Variants in SAMMSON observed in about 807,000 individuals in gnomAD.
The protein encoded by SAMMSON is survival associated mitochondrial melanoma specific oncogenic non-coding RNA, also known as long intergenic non-protein coding RNA 1212.
chr3:70,121,861 T>C (rs1417477704), intron 4 of SAMMSON, among the ~76,000 whole-genome samples: 1 of 151,986 alleles, frequency 6.6e-6, no homozygotes. Context: ...CATTCTCCCA[T>C]TTGAAAGTGT....
intron 4 of SAMMSON, among the ~76,000 whole-genome samples, chr3:70,162,751 T>C (rs1325984024): frequency 6.6e-6 from 1 of 151,906 alleles, no homozygotes; most frequent in African/African-American, 2.4e-5. Flanking sequence ...CCAACTATTA[T>C]TTTTGAATTG....
intron 4 of SAMMSON, among the ~76,000 whole-genome samples, chr3:70,228,232 C>T (rs936683209): frequency 1.3e-5 from 2 of 151,968 alleles, no homozygotes; most frequent in Admixed American, 6.6e-5. Flanking sequence ...TCTACTAAAA[C>T]ATTGCAAGCA....
chr3:70,055,502 G>A (rs943416031), intron 3 of SAMMSON, among the ~76,000 whole-genome samples: 2 of 152,062 alleles, frequency 1.3e-5, no homozygotes, highest in Non-Finnish European at 2.9e-5. Flanking sequence ...ACAAGTGCAT[G>A]TTCATCCCAT....
intron 7 of SAMMSON, among the ~76,000 whole-genome samples, chr3:70,345,921 G>A (rs1702747182): frequency 6.6e-6 from 1 of 152,164 alleles, no homozygotes; most frequent in Non-Finnish European, 1.5e-5. Context: ...TGTTGATTAT[G>A]AATAAGGTTG....
chr3:70,300,481 G>A (rs1702336748), intron 7 of SAMMSON, among the ~76,000 whole-genome samples: 1 of 151,912 alleles, frequency 6.6e-6, no homozygotes, highest in Non-Finnish European at 1.5e-5. Flanking sequence ...AGTTAGATAT[G>A]TGTATTTTTC....
chr3:70,350,294 CT>C (rs574656678), intron 7 of SAMMSON, among the ~76,000 whole-genome samples: 67 of 152,126 alleles, frequency 4.4e-4, no homozygotes, highest in African/African-American at 1.5e-3. Flanking sequence ...AAAGAATAAC[CT>C]TTTTTTGCAT....
At chr3:70,126,716 T>C in intron 4 of SAMMSON, 1 of 251,970 alleles carries the variant, frequency 4.0e-6, no homozygotes, top group East Asian at 1.1e-4. Context: ...GTTTTTGTTT[T>C]TGTTTTTTGT....
chr3:70,320,610 A>ATTTAGAAT (rs1559563161), intron 7 of SAMMSON, among the ~76,000 whole-genome samples: 2 of 152,024 alleles, frequency 1.3e-5, no homozygotes, highest in African/African-American at 4.8e-5. Flanking sequence ...AAACAACCTT[A>ATTTAGAAT]TTTAGAATTG....
At chr3:70,077,797 T>G (rs1211289744) in intron 4 of SAMMSON, among the ~76,000 whole-genome samples, 1 of 152,150 alleles carries the variant, frequency 6.6e-6, no homozygotes, top group Non-Finnish European at 1.5e-5. Flanking sequence ...GCCACATTTG[T>G]CCTCCATTAG....
chr3:70,025,583 A>T (rs1239062699), intron 3 of SAMMSON, among the ~76,000 whole-genome samples: 1 of 152,202 alleles, frequency 6.6e-6, no homozygotes, highest in East Asian at 1.9e-4. Context: ...TTAAACCATA[A>T]ATCCTGTTCC....
At chr3:70,302,232 G>T (rs959045383) in intron 7 of SAMMSON, among the ~76,000 whole-genome samples, 3 of 152,026 alleles carry the variant, frequency 2.0e-5, no homozygotes, top group Non-Finnish European at 4.4e-5. Flanking sequence ...GTCTTCATTT[G>T]CTCTGTTCAC....
intron 3 of SAMMSON, among the ~76,000 whole-genome samples, chr3:70,051,074 G>C (rs536335264): frequency 1.9e-4 from 25 of 134,744 alleles, no homozygotes; most frequent in Admixed American, 1.7e-3. Context: ...GATGGAGGTT[G>C]GAGTGAGCCA....
chr3:70,427,222 A>G (rs1179043688), intron 2 of SAMMSON, among the ~76,000 whole-genome samples: 1 of 152,064 alleles, frequency 6.6e-6, no homozygotes, highest in Non-Finnish European at 1.5e-5. Flanking sequence ...GGTAGACAGG[A>G]TTTTCTACAT....
intron 7 of SAMMSON, among the ~76,000 whole-genome samples, chr3:70,318,590 T>A (rs1702512181): frequency 6.6e-6 from 1 of 151,988 alleles, no homozygotes; most frequent in Admixed American, 6.6e-5. Flanking sequence ...TAGTTTAAAG[T>A]CACTTTCTGG....
At chr3:70,338,316 G>A (rs965592534) in intron 7 of SAMMSON, among the ~76,000 whole-genome samples, 2 of 151,710 alleles carry the variant, frequency 1.3e-5, no homozygotes, top group Admixed American at 6.6e-5. Context: ...GCAAACAGGA[G>A]GATAATGAAA....
chr3:70,411,765 C>T (rs1186512776), intron 2 of SAMMSON, among the ~76,000 whole-genome samples: 1 of 152,160 alleles, frequency 6.6e-6, no homozygotes, highest in Non-Finnish European at 1.5e-5. Flanking sequence ...CTTTGCACCT[C>T]CTTTGCCTTC....
At chr3:70,228,946 CAAGAGCA>C (rs1456990216) in intron 4 of SAMMSON, among the ~76,000 whole-genome samples, 5 of 151,956 alleles carry the variant, frequency 3.3e-5, no homozygotes, top group African/African-American at 1.2e-4. Context: ...GCTTCTAGTC[CAAGAGCA>C]GAGTCCAGTG....
At chr3:70,113,860 C>G (rs564739549) in intron 4 of SAMMSON, among the ~76,000 whole-genome samples, 1 of 152,248 alleles carries the variant, frequency 6.6e-6, no homozygotes, top group African/African-American at 2.4e-5. Flanking sequence ...AGGACTGTCT[C>G]TCTCTCTCAG....
intron 3 of SAMMSON, among the ~76,000 whole-genome samples, chr3:70,061,978 A>T (rs746613623): frequency 1.3e-5 from 2 of 151,652 alleles, no homozygotes; most frequent in African/African-American, 2.4e-5. Context: ...GAACCCCCAG[A>T]CTCCCATTCG....
Sources: gnomAD v4.1 joint callset for allele counts (sites outside exome capture counted in the v4.1 genomes callset) on GRCh38, gnomAD v4.1.1 for gene constraint, MANE v1.5 for transcripts, NCBI Gene and HGNC (gene_info 2026-07-23, HGNC 2026-07-21) for gene names.